The following SLC35F3 variants were observed in gnomAD, a reference collection of about 807,000 sequenced individuals.
The protein encoded by SLC35F3 is solute carrier family 35 member F3, also known as putative thiamine transporter SLC35F3.
A neutral mutation model predicts 49.9 loss-of-function variants in SLC35F3; 25 were observed. The observed-to-expected ratio is 0.50, with a 90% confidence interval of 0.37 to 0.70. The LOEUF (loss-of-function observed/expected upper bound fraction) is 0.70. Among genes scored for constraint, SLC35F3 ranks in the 30% least tolerant of loss-of-function variants. The probability of loss-of-function intolerance (pLI) is 0.00; values close to 1 mark genes in which losing one functional copy is unlikely to be tolerated. For missense variants in SLC35F3, 525 were observed against 639.8 expected (o/e 0.82, Z 1.94); for synonymous variants, 275 against 265.4 (o/e 1.04, Z -0.35).
chr1:234,214,686 C>G lies in SLC35F3; in HGVS notation c.284-16731C>G, dbSNP rs1374456792. ...CGCCGGGGCTGGGGGTACTGCTCCC[C>G]CAGGACGCGGCTCCGCAGTGCAGAG... On this transcript the variant is annotated intron_variant, in intron 2 of 7. Transcript: ENST00000366618. This position sits in a 1 kb window ranked among gnomAD's most constrained non-coding sequence, Gnocchi z 8.0. The G allele has an allele frequency of 1.5e-6, 2 of 1,364,244 alleles. No homozygotes were observed. Among genetic ancestry groups the G allele is most frequent in the East Asian group, 3.1e-5 (1 of 32,654 alleles). 84.5% of individuals were successfully genotyped at this position (1,364,244 alleles called of 1,614,324 possible). A position where few individuals can be genotyped will look rare whatever the true frequency, so the allele number is the denominator to read the frequency against.
At chr1:234,221,420 G>A (rs912654091) in intron 2 of SLC35F3, among the ~76,000 whole-genome samples, 6 of 152,190 alleles carry the variant, frequency 3.9e-5, no homozygotes, top group African/African-American at 1.4e-4. Context: ...CAGAGAAAGG[G>A]AATGATCGGC....
intron 2 of SLC35F3, among the ~76,000 whole-genome samples, chr1:234,222,491 C>G (rs1667221843): frequency 6.6e-6 from 1 of 152,188 alleles, no homozygotes; most frequent in African/African-American, 2.4e-5. Flanking sequence ...ATCTAACACT[C>G]CATCCAACCA....
chr1:234,288,886 G>C (rs549627468), intron 3 of SLC35F3, among the ~76,000 whole-genome samples: 3 of 152,246 alleles, frequency 2.0e-5, no homozygotes, highest in African/African-American at 7.2e-5. Context: ...GAGGAACTAG[G>C]GGCTGAGAGA....
At chr1:233,950,554 C>G (rs1662588517) in intron 2 of SLC35F3, among the ~76,000 whole-genome samples, 1 of 148,012 alleles carries the variant, frequency 6.8e-6, no homozygotes, top group South Asian at 2.2e-4. Flanking sequence ...TTCACTCTTT[C>G]CTCCTTCTCC....
chr1:234,162,956 C>G (rs187536759), intron 2 of SLC35F3, among the ~76,000 whole-genome samples: 7 of 152,242 alleles, frequency 4.6e-5, no homozygotes, highest in Middle Eastern at 3.4e-3. Flanking sequence ...AACACTCTGC[C>G]AAAAGTAGAT....
rs187723533 is a variant in SLC35F3 at position 234,263,177 on chromosome 1, G to A, written c.608+31436G>A. ...GCCAAAACTGAGAAGCTCTGTTTGA[G>A]AAAGGGAGAGACTAACAGAAGCATG... On this transcript the variant is annotated intron_variant, in intron 3 of 7. Coordinates refer to ENST00000366618, the MANE Select transcript of SLC35F3 (RefSeq NM_173508.4). Among the ~76,000 whole-genome samples, 514 of 152,284 alleles carry A rather than the reference G, an allele frequency of 3.4e-3. 2 individuals are homozygous for A. The highest frequency in any genetic ancestry group is 0.011 in the African/African-American group (476 of 41,562).
chr1:234,305,383 C>CTT (rs60208203), intron 3 of SLC35F3, among the ~76,000 whole-genome samples: 1 of 124,270 alleles, frequency 8.0e-6, no homozygotes, highest in Non-Finnish European at 1.7e-5. Flanking sequence ...AGCAGTATTG[C>CTT]TTTTTTTTTT....
chr1:234,129,981 A>T (rs947130170), intron 2 of SLC35F3, among the ~76,000 whole-genome samples: 1 of 152,236 alleles, frequency 6.6e-6, no homozygotes, highest in Admixed American at 6.5e-5. Context: ...ATAAGAAAAT[A>T]TCTTTAATCT....
At chr1:233,987,458 G>A (rs1387675675) in intron 2 of SLC35F3, among the ~76,000 whole-genome samples, 5 of 151,874 alleles carry the variant, frequency 3.3e-5, no homozygotes, top group Admixed American at 1.3e-4. Flanking sequence ...TTCTATTCTA[G>A]GTATATTGCA....
At chr1:234,139,951 T>TAATATAATAA in intron 2 of SLC35F3, among the ~76,000 whole-genome samples, 1 of 90,564 alleles carries the variant, frequency 1.1e-5, no homozygotes, top group Non-Finnish European at 2.3e-5. Context: ...CATCTCAAAA[T>TAATATAATAA]AATAAAATAA....
intron 2 of SLC35F3, among the ~76,000 whole-genome samples, chr1:234,105,143 A>C (rs1355590548): frequency 6.6e-6 from 1 of 150,604 alleles, no homozygotes; most frequent in East Asian, 1.9e-4. Flanking sequence ...AAAAAAAAAA[A>C]CCTTTGGGCT....
Position 234,117,932 on chromosome 1 carries a change from G to GTATATATATATATA in SLC35F3, c.284-113484_284-113483insATATATATATATAT, listed in dbSNP as rs1373405963. 4.2e-3 allele frequency among the ~76,000 whole-genome samples: 215 copies of GTATATATATATATA among 51,760 alleles called. 15 individuals carry two copies. In the East Asian group the frequency reaches 0.047, roughly 11 times the overall value. 34.0% of individuals were successfully genotyped at this position (51,760 alleles called of 152,430 possible). ...TATATATGTGTGTGTGTGTGTGTGT[G>GTATATATATATATA]TGTGTGTGTGTGTGTGTGTGTGTGT... On this transcript the variant is annotated intron_variant, in intron 2 of 7. Coordinates refer to ENST00000366618, the MANE Select transcript of SLC35F3 (RefSeq NM_173508.4).
intron 2 of SLC35F3, among the ~76,000 whole-genome samples, chr1:234,087,080 G>A (rs1228813209): frequency 6.6e-6 from 1 of 152,202 alleles, no homozygotes; most frequent in African/African-American, 2.4e-5. Flanking sequence ...TGGCAAAGAT[G>A]TGGATAAGAG....
intron 2 of SLC35F3, among the ~76,000 whole-genome samples, chr1:234,136,438 T>C (rs899232606): frequency 6.6e-6 from 1 of 151,996 alleles, no homozygotes; most frequent in African/African-American, 2.4e-5. Flanking sequence ...TGTGAACTTC[T>C]GGGCTCAAGT....
intron 2 of SLC35F3, among the ~76,000 whole-genome samples, chr1:233,942,454 C>T (rs190999077): frequency 7.2e-4 from 109 of 152,136 alleles, no homozygotes; most frequent in African/African-American, 2.5e-3. Context: ...CAGGGTTTTG[C>T]TCTGTCACCT....
chr1:234,244,914 G>A (rs889515173), intron 3 of SLC35F3, among the ~76,000 whole-genome samples: 12 of 152,148 alleles, frequency 7.9e-5, no homozygotes, highest in African/African-American at 2.4e-4. Flanking sequence ...TAATGATCAA[G>A]TCACTATTGG....
chr1:234,069,720 G>C (rs1023806120), intron 2 of SLC35F3, among the ~76,000 whole-genome samples: 10 of 152,162 alleles, frequency 6.6e-5, no homozygotes, highest in African/African-American at 2.4e-4. Flanking sequence ...CCCTGAGGTA[G>C]TCCTCTCTTG....
intron 7 of SLC35F3, among the ~76,000 whole-genome samples, chr1:234,321,239 A>G (rs1657614059): frequency 1.3e-5 from 2 of 152,266 alleles, no homozygotes; most frequent in African/African-American, 4.8e-5. Context: ...GCAGTGTACC[A>G]GGCCTGGGGG....
At chr1:234,139,333 T>A in intron 2 of SLC35F3, among the ~76,000 whole-genome samples, 1 of 152,198 alleles carries the variant, frequency 6.6e-6, no homozygotes, top group East Asian at 1.9e-4. Flanking sequence ...TTCCAGGACA[T>A]GGTGGGATAG....
Sources: allele counts gnomAD v4.1 joint callset (sites outside exome capture counted in the v4.1 genomes callset), GRCh38; gene constraint gnomAD v4.1.1; non-coding constraint Gnocchi (gnomAD v3.1); transcripts MANE v1.5; gene names NCBI Gene and HGNC (gene_info 2026-07-23, HGNC 2026-07-21).